Variants in RPTOR observed in about 807,000 individuals in gnomAD.
The protein encoded by RPTOR is regulatory-associated protein of mTOR.
In RPTOR, 21 loss-of-function variants were observed where a neutral mutation model predicts 169.9. The ratio of observed to expected loss-of-function variants is 0.12; its 90% CI spans 0.09 to 0.18. RPTOR has a LOEUF of 0.18. Ranked by LOEUF, RPTOR falls within the 10% of genes least tolerant of loss-of-function variation. RPTOR has a pLI of 1.00. For missense variants in RPTOR, 1,133 were observed against 1,855.9 expected, an observed-to-expected ratio of 0.61 and a Z score of 7.16; for synonymous variants, 732 against 753.2, an observed-to-expected ratio of 0.97 and a Z score of 0.46.
chr17:80,851,566 A>G (rs2067793803), intron 11 of RPTOR, among the ~76,000 whole-genome samples: 1 of 152,232 alleles, frequency 6.6e-6, no homozygotes, highest in African/African-American at 2.4e-5. Context: ...TTGCAAATGA[A>G]ATAATTGTAG....
At chr17:80,923,817 TCTGCCTTTG>T (rs1321697104) in intron 23 of RPTOR, 144 bp downstream of exon 23, 2 of 918,022 alleles carry the variant, frequency 2.2e-6, no homozygotes, top group Non-Finnish European at 3.2e-6. Context: ...TGGGCCACTC[TCTGCCTTTG>T]CAGACCCGGG....
In RPTOR at chr17:80,919,988, C is replaced by T. The variant is rs184957767; in HGVS notation, c.2521-2736C>T. On this transcript the variant is annotated intron_variant, in intron 21 of 33. Transcript: ENST00000306801. ...CCTGGGCCCACAGAGGCTGTGCGGG[C>T]CGCACTCAGCCCTCCAGTTTGCATC... Among the ~76,000 whole-genome samples, 625 of 152,354 alleles carry T rather than the reference C, an allele frequency of 4.1e-3. 9 individuals carry two copies. The highest frequency in any genetic ancestry group is 0.014 in the African/African-American group (602 of 41,578).
intron 17 of RPTOR, 96 bp from the exon 18 acceptor site, chr17:80,891,624 C>G (rs895560312): frequency 1.2e-5 from 10 of 847,046 alleles, no homozygotes; most frequent in Non-Finnish European, 1.9e-5. Context: ...TTTGTCTTAA[C>G]CTTTCTTTTT....
At position 80,562,105 on chromosome 17, in the gene RPTOR, G is replaced by C. The variant is rs1568305088; in HGVS notation, c.162+16314G>C. On this transcript the variant is annotated intron_variant, in intron 1 of 33. Coordinates refer to ENST00000306801, the MANE Select transcript of RPTOR (RefSeq NM_020761.3). The surrounding 1 kb of genome is among the most constrained non-coding windows in gnomAD (Gnocchi z 4.4). ...TGAGGGTCTGGTGGCGGCTTGGGCT[G>C]GTAGTGACAGGCCCGGCAGCCCCAA... Among the ~76,000 whole-genome samples the C allele has an allele frequency of 6.6e-6, 1 of 152,110 alleles. No individual in the cohort carries two copies. Among genetic ancestry groups the C allele is most frequent in the Non-Finnish European group, 1.5e-5 (1 of 68,026 alleles).
chr17:80,737,549 C>T (rs1000515294), intron 5 of RPTOR, among the ~76,000 whole-genome samples: 4 of 152,180 alleles, frequency 2.6e-5, no homozygotes, highest in South Asian at 4.1e-4. Context: ...CCTTCCAGCC[C>T]GCACCACTCC....
chr17:80,665,602 T>C (rs1411935008), intron 3 of RPTOR, among the ~76,000 whole-genome samples: 1 of 150,800 alleles, frequency 6.6e-6, no homozygotes, highest in Non-Finnish European at 1.5e-5. Context: ...TGGAGTGCAG[T>C]GGCGTGATCT....
chr17:80,888,312 G>T (rs994207576), intron 17 of RPTOR, among the ~76,000 whole-genome samples: 1 of 152,096 alleles, frequency 6.6e-6, no homozygotes, highest in Non-Finnish European at 1.5e-5. Flanking sequence ...ATGGGGTCTC[G>T]CTGTGTTGCC....
At chr17:80,734,250 A>G (rs1437551256) in intron 5 of RPTOR, among the ~76,000 whole-genome samples, 3 of 152,214 alleles carry the variant, frequency 2.0e-5, no homozygotes, top group African/African-American at 4.8e-5. Context: ...CGGAGAGCAC[A>G]GAAGGCGCCC....
chr17:80,584,864 A>G (rs1029830484), intron 1 of RPTOR, among the ~76,000 whole-genome samples: 3 of 152,258 alleles, frequency 2.0e-5, no homozygotes, highest in Admixed American at 1.3e-4. Flanking sequence ...ATTAAAATAA[A>G]TGATCTTGGA....
chr17:80,852,554 C>T (rs114492714), intron 11 of RPTOR, among the ~76,000 whole-genome samples: 3,710 of 152,244 alleles, frequency 0.024, 170 homozygotes, highest in African/African-American at 0.086. Context: ...GTGAACCCAG[C>T]GTGGGAGCTG....
chr17:80,837,976 C>T lies in RPTOR; in HGVS notation c.1191C>T (p.Ile397=), dbSNP rs755684502. The part of the protein sequence containing the change: ...DICLSQLPTI[I]EEGTAFRHSP... ...GTCTGTCTCAGCTGCCGACGATCAT[C>T]GAGGAAGGCACTGCGTTTCGGGTGA... is the stretch of plus-strand genomic sequence containing the variant. Residue 397 remains isoleucine (I), a synonymous_variant, in exon 10 of 34, where the codon ATC becomes ATT. Transcript: ENST00000306801. The T allele has an allele frequency of 3.1e-6, 5 of 1,611,362 alleles. No homozygotes were observed. The highest frequency in any genetic ancestry group is 1.7e-5 in the Admixed American group (1 of 59,820).
chr17:80,664,239 ATTCT>A (rs1439833156), intron 3 of RPTOR, among the ~76,000 whole-genome samples: 1 of 152,148 alleles, frequency 6.6e-6, no homozygotes, highest in African/African-American at 2.4e-5. Context: ...GAGGCTTCCT[ATTCT>A]TTCTTAATGA....
chr17:80,841,689 G>C (rs72490479), intron 10 of RPTOR, among the ~76,000 whole-genome samples: 12 of 94,834 alleles, frequency 1.3e-4, no homozygotes, highest in Non-Finnish European at 1.7e-4. Flanking sequence ...CTCACCGCAC[G>C]GCATCTCACT....
intron 24 of RPTOR, among the ~76,000 whole-genome samples, chr17:80,937,973 C>T (rs142607968): frequency 5.2e-4 from 79 of 152,314 alleles, no homozygotes; most frequent in African/African-American, 1.9e-3. Context: ...AACCGCGTCC[C>T]GTTCAGAAAG....
chr17:80,761,830 A>T (rs1001188804), intron 6 of RPTOR, among the ~76,000 whole-genome samples: 1 of 152,210 alleles, frequency 6.6e-6, no homozygotes, highest in African/African-American at 2.4e-5. Context: ...GTGCGAAGGG[A>T]GAGGAGCTCA....
intron 6 of RPTOR, among the ~76,000 whole-genome samples, chr17:80,758,741 A>G (rs1009081666): frequency 6.6e-6 from 1 of 151,890 alleles, no homozygotes; most frequent in African/African-American, 2.4e-5. Flanking sequence ...TCCAGAATCA[A>G]CACCACACCA....
chr17:80,768,507 A>G (rs2066810500), intron 6 of RPTOR, among the ~76,000 whole-genome samples: 1 of 152,210 alleles, frequency 6.6e-6, no homozygotes. Context: ...TTATTCATGT[A>G]ATCCTCGGAA....
chr17:80,854,523 C>T (rs113299823), intron 11 of RPTOR, among the ~76,000 whole-genome samples: 243 of 152,326 alleles, frequency 1.6e-3, no homozygotes, highest in African/African-American at 5.3e-3. Context: ...TTAATACTCA[C>T]ATTTATCTTA....
rs74457941 is a variant in RPTOR at position 80,793,650 on chromosome 17, G to A, written c.890+2141G>A. Among the ~76,000 whole-genome samples the A allele has an allele frequency of 2.3e-4, 35 of 152,138 alleles. No homozygotes were observed. In the East Asian group the frequency reaches 5.8e-3, roughly 25 times the overall value. On this transcript the variant is annotated intron_variant, in intron 7 of 33. Transcript: ENST00000306801. ...GGTCACCTGTGTCTGTGGCTACTCCGGACAGAGCCCCCCGGTCACCTGTGT... is the reference window on the plus strand; with the variant it reads ...GGTCACCTGTGTCTGTGGCTACTCCAGACAGAGCCCCCCGGTCACCTGTGT...
Sources: allele counts gnomAD v4.1 joint callset (sites outside exome capture counted in the v4.1 genomes callset), GRCh38; gene constraint gnomAD v4.1.1; non-coding constraint Gnocchi (gnomAD v3.1); transcripts MANE v1.5; gene names NCBI Gene and HGNC (gene_info 2026-07-23, HGNC 2026-07-21).